Variants in TPTE observed in about 807,000 individuals in gnomAD.
The protein encoded by TPTE is transmembrane phosphatase with tensin homology, also known as putative tyrosine-protein phosphatase TPTE.
A neutral mutation model predicts 84.1 loss-of-function variants in TPTE; 59 were observed. That is an observed-to-expected ratio of 0.70 (90% CI 0.57 to 0.87). The LOEUF (loss-of-function observed/expected upper bound fraction) is 0.87. TPTE is among the 40% of genes least tolerant of loss of function. TPTE has a pLI of 0.00. For synonymous variants in TPTE, 130 were observed against 223.5 expected, an observed-to-expected ratio of 0.58 and a Z score of 3.73; for missense variants, 382 against 659.6, an observed-to-expected ratio of 0.58 and a Z score of 4.61.
chr21:10,549,263 A>C (rs1305017948), intron 7 of TPTE, among the ~76,000 whole-genome samples: 3 of 152,300 alleles, frequency 2.0e-5, no homozygotes, highest in African/African-American at 7.2e-5. Context: ...GGAAAAGGTG[A>C]CTTTTTCACC....
chr21:10,529,503 ATTG>A (rs1341553787), intron 3 of TPTE, among the ~76,000 whole-genome samples: 13 of 152,310 alleles, frequency 8.5e-5, no homozygotes, highest in African/African-American at 2.7e-4. Context: ...TCACTTTCTT[ATTG>A]TTAAGTTATT....
At chr21:10,544,130 T>G (rs4041806) in intron 7 of TPTE, among the ~76,000 whole-genome samples, 2 of 152,306 alleles carry the variant, frequency 1.3e-5, no homozygotes, top group Non-Finnish European at 2.9e-5. Flanking sequence ...GTAAGTAATA[T>G]GGAAAACCTG....
chr21:10,522,044 G>A (rs2073987770), intron 1 of TPTE, among the ~76,000 whole-genome samples: 1 of 152,136 alleles, frequency 6.6e-6, no homozygotes, highest in Non-Finnish European at 1.5e-5. Context: ...CGGAGCCGCA[G>A]GTAAAGGGGG....
intron 10 of TPTE, among the ~76,000 whole-genome samples, chr21:10,564,133 A>G (rs1368793754): frequency 6.6e-6 from 1 of 152,232 alleles, no homozygotes; most frequent in Admixed American, 6.5e-5. Flanking sequence ...CAGTCTGGTG[A>G]CAGAGCAAGA....
chr21:10,552,983 G>GT (rs1329695498), intron 8 of TPTE, among the ~76,000 whole-genome samples: 864 of 151,648 alleles, frequency 5.7e-3, no homozygotes, highest in African/African-American at 0.019. Flanking sequence ...TCCATTAAAA[G>GT]TTTTTTTTAA....
chr21:10,590,588 T>C, intron 18 of TPTE, 65 bp downstream of exon 18: 2 of 1,607,370 alleles, frequency 1.2e-6, no homozygotes, highest in Non-Finnish European at 8.5e-7. Flanking sequence ...GAAACATCAC[T>C]GGCAGGACAT....
chr21:10,545,957 CAT>C (rs1052970193), intron 7 of TPTE, among the ~76,000 whole-genome samples: 2 of 152,064 alleles, frequency 1.3e-5, no homozygotes, highest in Admixed American at 1.3e-4. Context: ...TATCCTTTAG[CAT>C]ATATATGTAT....
At chr21:10,557,861 A>G (rs537513380) in intron 8 of TPTE, among the ~76,000 whole-genome samples, 2 of 152,426 alleles carry the variant, frequency 1.3e-5, no homozygotes, top group South Asian at 4.1e-4. Context: ...CCAGGTATTA[A>G]GCTCAGTACC....
intron 1 of TPTE, among the ~76,000 whole-genome samples, chr21:10,523,997 A>G (rs374270956): frequency 3.9e-3 from 591 of 152,174 alleles, no homozygotes; most frequent in African/African-American, 0.013. Context: ...ATTTTCAAAG[A>G]ATAGTATGTT....
rs2075003263 is a variant in TPTE at position 10,569,710 on chromosome 21, A to G, written c.694A>G (p.Arg232Gly). 3 of 1,614,032 alleles carry G rather than the reference A, an allele frequency of 1.9e-6. No homozygotes were observed. Among genetic ancestry groups the G allele is most frequent in the Non-Finnish European group, 2.5e-6 (3 of 1,179,856 alleles). The change falls in exon 13 of 24, where the codon AGG becomes GGG. Residue 232 changes from arginine to glycine, a missense_variant. Physicochemically the swap from Arg to Gly is moderately radical, Grantham distance 125. Around this residue, in one of 10 missense-constraint regions of TPTE, gnomAD observed 85 missense variants for 230.9 expected, o/e 0.37. Coordinates refer to ENST00000618007, the MANE Select transcript of TPTE (RefSeq NM_199261.4). ...RVSENKRRYT[R>G]DGFDLDLTYV... is the part of the protein sequence containing the mutation. ...TTCAGAAAACAAAAGGCGATACACAAGGGATGGATTTGACCTAGACCTCAC... is the reference window on the plus strand; with the variant it reads ...TTCAGAAAACAAAAGGCGATACACAGGGGATGGATTTGACCTAGACCTCAC...
At chr21:10,524,322 GGGGGACCACTAATT>G (rs2074041178) in intron 1 of TPTE, among the ~76,000 whole-genome samples, 1 of 152,410 alleles carries the variant, frequency 6.6e-6, no homozygotes, top group Admixed American at 6.5e-5. Flanking sequence ...TACCCAGCTG[GGGGGACCACTAATT>G]GACATTCCTT....
At chr21:10,530,994 C>T (rs2074167885) in intron 3 of TPTE, among the ~76,000 whole-genome samples, 1 of 152,310 alleles carries the variant, frequency 6.6e-6, no homozygotes, top group Non-Finnish European at 1.5e-5. Context: ...CGTTTTTCCA[C>T]TAGTGTTCCT....
At chr21:10,566,556 C>T (rs2074925492) in intron 10 of TPTE, among the ~76,000 whole-genome samples, 1 of 152,308 alleles carries the variant, frequency 6.6e-6, no homozygotes, top group Admixed American at 6.5e-5. Flanking sequence ...ATCTGCATTC[C>T]CTTTTTGTTG....
intron 15 of TPTE, among the ~76,000 whole-genome samples, chr21:10,577,869 G>A (rs1600941121): frequency 6.6e-6 from 1 of 152,308 alleles, no homozygotes; most frequent in African/African-American, 2.4e-5. Context: ...TGAGTCTTCT[G>A]ACCCATCAGC....
chr21:10,603,615 T>C lies in TPTE; in HGVS notation c.1503T>C (p.Ser501=). The part of the protein sequence containing the change: ...NCSFYFWLHT[S]FIENNRLYLP... The stretch of plus-strand genomic sequence containing the variant: ...CATTTTACTTCTGGTTGCACACATC[T>C]TTTATTGAAAATAACAGGTATGAAT... Residue 501 remains serine, a synonymous_variant, in exon 23 of 24, where the codon TCT becomes TCC. Coordinates refer to ENST00000618007, the MANE Select transcript of TPTE (RefSeq NM_199261.4). 6.2e-7 allele frequency: 1 copy of C among 1,612,440 alleles called. No homozygotes were observed. Among genetic ancestry groups the C allele is most frequent in the Non-Finnish European group, 8.5e-7 (1 of 1,178,766 alleles).
intron 4 of TPTE, among the ~76,000 whole-genome samples, chr21:10,539,976 T>C (rs2074337855): frequency 6.6e-6 from 1 of 152,304 alleles, no homozygotes; most frequent in South Asian, 2.1e-4. Flanking sequence ...GCCACTGCAC[T>C]CCAGCTTGGG....
chr21:10,597,920 A>T, intron 20 of TPTE, 95 bp from the exon 21 acceptor site: 3 of 1,485,398 alleles, frequency 2.0e-6, no homozygotes, highest in Admixed American at 2.0e-5. Flanking sequence ...AGCTTGGATA[A>T]TTTTTTCTCA....
chr21:10,529,211 G>A (rs1449275725), intron 3 of TPTE, among the ~76,000 whole-genome samples: 3 of 151,912 alleles, frequency 2.0e-5, no homozygotes, highest in Non-Finnish European at 2.9e-5. Context: ...AGTGTTTCCT[G>A]TGCAGATTAT....
chr21:10,544,488 G>A (rs1475082927), intron 7 of TPTE, among the ~76,000 whole-genome samples: 1 of 152,310 alleles, frequency 6.6e-6, no homozygotes, highest in Non-Finnish European at 1.5e-5. Context: ...GGGTTCAAGT[G>A]ATTTTCCTGC....
Sources: allele counts gnomAD v4.1 joint callset (sites outside exome capture counted in the v4.1 genomes callset), GRCh38; gene constraint gnomAD v4.1.1; regional missense constraint gnomAD v4.1.1; transcripts MANE v1.5; gene names NCBI Gene and HGNC (gene_info 2026-07-23, HGNC 2026-07-21).